The following ATP13A5 variants were observed in gnomAD, a reference collection of about 807,000 sequenced individuals.
ATP13A5 encodes the protein probable cation-transporting ATPase 13A5.
In ATP13A5, 149 loss-of-function variants were observed where a neutral mutation model predicts 150.2. The ratio of observed to expected loss-of-function variants is 0.99; its 90% confidence interval spans 0.87 to 1.14. The LOEUF is 1.14. ATP13A5 is among the 50% of genes most tolerant of loss of function. ATP13A5 has a pLI of 0.00. For missense variants in ATP13A5, 1,383 were observed against 1,449.3 expected, an observed-to-expected ratio of 0.95 and a Z score of 0.74; for synonymous variants, 497 against 522.2, an observed-to-expected ratio of 0.95 and a Z score of 0.66.
At chr3:193,348,212 T>C (rs1489973353) in intron 7 of ATP13A5, among the ~76,000 whole-genome samples, 1 of 152,196 alleles carries the variant, frequency 6.6e-6, no homozygotes, top group African/African-American at 2.4e-5. Flanking sequence ...TGATTTTCAT[T>C]AGGCCACCTT....
At chr3:193,327,122 A>G (rs1719494633) in intron 12 of ATP13A5, 65 bp from the exon 13 acceptor site, 5 of 1,407,300 alleles carry the variant, frequency 3.6e-6, no homozygotes, top group Admixed American at 4.7e-5. Context: ...AGTAATTTAA[A>G]CAAAACCCAA....
At chr3:193,361,904 A>T (rs1003553604) in intron 5 of ATP13A5, among the ~76,000 whole-genome samples, 1 of 152,194 alleles carries the variant, frequency 6.6e-6, no homozygotes, top group Non-Finnish European at 1.5e-5. Flanking sequence ...AGAATTATGT[A>T]TTGAGCTCCT....
rs746511648 is a variant in ATP13A5 at position 193,311,798 on chromosome 3, T to G, written c.2445+18A>C. The G allele has an allele frequency of 5.9e-5, 95 of 1,613,096 alleles. No homozygotes were observed. The South Asian group carries it at 1.0e-3, about 18-fold the overall frequency. On this transcript the variant is annotated intron_variant, in intron 20 of 29. Coordinates refer to ENST00000342358, the MANE Select transcript of ATP13A5 (RefSeq NM_198505.4). ...GATTTGAGGAGCAAAACAAAACACT[T>G]CTTTCTTCAGTACTTACTTTTGGAA...
At chr3:193,308,407 C>T (rs537941600) in intron 21 of ATP13A5, among the ~76,000 whole-genome samples, 140 of 152,146 alleles carry the variant, frequency 9.2e-4, no homozygotes, top group African/African-American at 3.3e-3. Flanking sequence ...TGCGGTGAGC[C>T]GATATTGCAC....
At position 193,378,685 on chromosome 3, in the gene ATP13A5, T is replaced by G. The variant is rs372420123; in HGVS notation, c.41A>C (p.Asn14Thr). The G allele has an allele frequency of 1.9e-6, 3 of 1,613,980 alleles. No individual in the cohort carries two copies. The highest frequency in any genetic ancestry group is 1.7e-5 in the Admixed American group (1 of 60,018). The change falls in exon 1 of 30, where the codon AAC (asparagine) becomes ACC (threonine). Residue 14 changes from asparagine (N) to threonine (T), a missense_variant. Around this residue, in one of 3 missense-constraint regions of ATP13A5, gnomAD observed 787 missense variants for 771.9 expected, o/e 1.02. Coordinates refer to ENST00000342358, the MANE Select transcript of ATP13A5 (RefSeq NM_198505.4). ...CACCAGTTCATCCTCCTCTCCCTGG[T>G]TGAGCAAAGCCCGATGGTCCTTCTT... ...NSKKDHRALL[N>T]QGEEDELEVF...
intron 14 of ATP13A5, 67 bp downstream of exon 14, chr3:193,324,797 A>G: frequency 1.3e-6 from 2 of 1,546,804 alleles, no homozygotes; most frequent in South Asian, 2.4e-5. Context: ...CAAAAATTAG[A>G]AAAGCTTCAG....
rs755204634 is a variant in ATP13A5, at chr3:193,285,053, A to T, written c.3087T>A (p.Thr1029=). The change falls in exon 27 of 30, where the codon ACT becomes ACA. Residue 1029 remains threonine, a synonymous_variant. Coordinates refer to ENST00000342358, the MANE Select transcript of ATP13A5 (RefSeq NM_198505.4). ...AACCAGGAATCAGAGTTGCATTTCC[A>T]GTCCAGTTTCTTTCCAAACTCACAT... The part of the protein sequence containing the change: ...STNVSLERNW[T]GNATLIPGSI... 1.9e-6 allele frequency: 3 copies of T among 1,614,104 alleles called. No homozygotes were observed. The Admixed American group carries it at 5.0e-5, about 27-fold the overall frequency.
chr3:193,371,286 A>G (rs1314837913), intron 1 of ATP13A5, among the ~76,000 whole-genome samples: 1 of 152,234 alleles, frequency 6.6e-6, no homozygotes, highest in African/African-American at 2.4e-5. Flanking sequence ...ACAGCTATAC[A>G]GTGTTCTTTG....
intron 5 of ATP13A5, among the ~76,000 whole-genome samples, 197 bp from the exon 6 acceptor site, chr3:193,354,393 C>T (rs1425534463): frequency 6.6e-6 from 1 of 152,056 alleles, no homozygotes; most frequent in Non-Finnish European, 1.5e-5. Flanking sequence ...ATGGACAGAG[C>T]TGTAGTCCTC....
At chr3:193,355,276 C>G (rs1560147883) in intron 5 of ATP13A5, among the ~76,000 whole-genome samples, 1 of 152,130 alleles carries the variant, frequency 6.6e-6, no homozygotes, top group Non-Finnish European at 1.5e-5. Flanking sequence ...AGAAACTGCA[C>G]TTAGCCTTTT....
At position 193,333,979 on chromosome 3, in the gene ATP13A5, G is replaced by C. The variant is rs1711747565; in HGVS notation, c.1115-72C>G. On this transcript the variant is annotated intron_variant, in intron 10 of 29. Transcript: ENST00000342358. ...TTGGTCTCCTAAAAATGGCTTTACT[G>C]TCTTTGAGGAAAAGAGTAGAGTGTC... 5.6e-6 allele frequency: 8 copies of C among 1,424,110 alleles called. No individual in the cohort carries two copies. The South Asian group carries it at 9.2e-5, about 16-fold the overall frequency. The allele number at this position is 1,424,110 out of a possible 1,614,324, so 88.2% of individuals were successfully genotyped here.
intron 1 of ATP13A5, among the ~76,000 whole-genome samples, chr3:193,370,985 C>T (rs993344987): frequency 2.0e-5 from 3 of 152,152 alleles, no homozygotes; most frequent in Non-Finnish European, 4.4e-5. Flanking sequence ...ATAATTTCAG[C>T]TGGCACTACC....
chr3:193,324,490 G>A (rs1719400376), intron 14 of ATP13A5, among the ~76,000 whole-genome samples: 1 of 152,122 alleles, frequency 6.6e-6, no homozygotes, highest in Non-Finnish European at 1.5e-5. Context: ...CTGATGTTTT[G>A]GAGAACATGC....
intron 15 of ATP13A5, 87 bp from the exon 16 acceptor site, chr3:193,321,924 T>C (rs898073071): frequency 4.2e-6 from 6 of 1,422,978 alleles, no homozygotes; most frequent in Admixed American, 2.0e-5. Context: ...TACTGTGCAA[T>C]GAGCCCAGAG....
In ATP13A5 at chr3:193,293,996, G is replaced by A. The variant is rs144282587; in HGVS notation, c.2849-3937C>T. 8.5e-5 allele frequency among the ~76,000 whole-genome samples: 13 copies of A among 152,214 alleles called. No individual in the cohort carries two copies. In the East Asian group the frequency reaches 2.5e-3, roughly 30 times the overall value. ...ATTCAGAGAAATGAGGGGCCTAGAG[G>A]TGGGCATCTAACCCACGTCAGGTCG... is the stretch of plus-strand genomic sequence containing the variant. On this transcript the variant is annotated intron_variant, in intron 25 of 29. Coordinates refer to ENST00000342358, the MANE Select transcript of ATP13A5 (RefSeq NM_198505.4).
At chr3:193,321,123 G>A (rs1719258605) in intron 16 of ATP13A5, among the ~76,000 whole-genome samples, 1 of 152,124 alleles carries the variant, frequency 6.6e-6, no homozygotes, top group African/African-American at 2.4e-5. Flanking sequence ...TCTGGCTCCT[G>A]ATGCAAGCTT....
chr3:193,290,461 A>C (rs1717906721), intron 25 of ATP13A5, among the ~76,000 whole-genome samples: 1 of 152,100 alleles, frequency 6.6e-6, no homozygotes, highest in Admixed American at 6.6e-5. Flanking sequence ...GAGGAGAATA[A>C]GGAGGAATAT....
At chr3:193,314,898 C>T in intron 18 of ATP13A5, 74 bp downstream of exon 18, 1 of 1,553,666 alleles carries the variant, frequency 6.4e-7, no homozygotes, top group Non-Finnish European at 8.8e-7. Context: ...TACATGAACT[C>T]ACTCAGCTCA....
At chr3:193,309,486 C>T (rs181475553) in intron 21 of ATP13A5, among the ~76,000 whole-genome samples, 94 of 152,220 alleles carry the variant, frequency 6.2e-4, no homozygotes, top group African/African-American at 2.1e-3. Flanking sequence ...TGGCCCTCAG[C>T]GATCCCCAGC....
Sources: allele counts gnomAD v4.1 joint callset (sites outside exome capture counted in the v4.1 genomes callset), GRCh38; gene constraint gnomAD v4.1.1; regional missense constraint gnomAD v4.1.1; transcripts MANE v1.5; gene names NCBI Gene and HGNC (gene_info 2026-07-23, HGNC 2026-07-21).